The following PPP1R15A variants were observed in gnomAD, a reference collection of about 807,000 sequenced individuals.
The protein encoded by PPP1R15A is growth arrest and DNA damage-inducible protein GADD34.
PPP1R15A carries 43 observed loss-of-function variants against 48.5 expected under a neutral mutation model. The ratio of observed to expected loss-of-function variants is 0.89; its 90% CI spans 0.69 to 1.14. The LOEUF (loss-of-function observed/expected upper bound fraction) is 1.14, where lower values mean the gene tolerates loss of function less well. Ranked by LOEUF, PPP1R15A falls within the 50% of genes most tolerant of loss-of-function variation. The pLI is 0.00. For synonymous variants in PPP1R15A, 327 were observed against 327.4 expected, an observed-to-expected ratio of 1.00 and a Z score of 0.01; for missense variants, 868 against 847.2, an observed-to-expected ratio of 1.02 and a Z score of -0.30.
At chr19:48,873,055 G>C (rs57362374) in intron 1 of PPP1R15A, among the ~76,000 whole-genome samples, 170 bp from the exon 2 acceptor site, 1,816 of 152,276 alleles carry the variant, frequency 0.012, 29 homozygotes, top group African/African-American at 0.041. Context: ...GATAAGAACA[G>C]AGCCAAGGGA....
At position 48,874,098 on chromosome 19, in the gene PPP1R15A, C is replaced by CA. The variant is rs2037046347; in HGVS notation, c.867dup (p.Ser290IlefsTer19). ...GAAAGGAGAAGCTGCCCCAGGGCCG[C>CA]AATCCTCAGCCCCAGCCCAGAGGCC... is the stretch of plus-strand genomic sequence containing the variant. On this transcript the variant is annotated frameshift_variant, in exon 2 of 3. Coordinates refer to ENST00000200453, the MANE Select transcript of PPP1R15A (RefSeq NM_014330.5). LOFTEE classifies it high-confidence loss of function. 2 of 1,614,058 alleles carry CA rather than the reference C, an allele frequency of 1.2e-6. No homozygotes were observed. The highest frequency in any genetic ancestry group is 1.7e-6 in the Non-Finnish European group (2 of 1,180,020).
At position 48,873,826 on chromosome 19, in the gene PPP1R15A, C is replaced by T. The variant is rs2037041083; in HGVS notation, c.593C>T (p.Ala198Val). 1 of 1,613,920 alleles carries T rather than the reference C, an allele frequency of 6.2e-7. No homozygotes were observed. Among genetic ancestry groups the T allele is most frequent in the African/African-American group, 1.3e-5 (1 of 74,878 alleles). ...PAVEEEDDEE[A>V]VKKEAHRTST... The stretch of plus-strand genomic sequence containing the variant: ...GTGGAGGAGGAGGACGATGAAGAAG[C>T]TGTAAAGAAAGAAGCTCACAGAACC... The change falls in exon 2 of 3, where the codon GCT (alanine) becomes GTT (valine). Residue 198 changes from alanine to valine, a missense_variant. Physicochemically the swap from Ala to Val is moderately conservative, Grantham distance 64. Transcript: ENST00000200453.
At chr19:48,873,169 CG>C in intron 1 of PPP1R15A, 55 bp from the exon 2 acceptor site, 1 of 1,423,894 alleles carries the variant, frequency 7.0e-7, no homozygotes, top group Non-Finnish European at 9.2e-7. Context: ...TAGTCACGCC[CG>C]GATGCCATCC....
Position 48,874,773 on chromosome 19 carries a change from C to G in PPP1R15A, c.1540C>G (p.Pro514Ala). The change falls in exon 2 of 3, where the codon CCT (proline) becomes GCT (alanine). Residue 514 changes from proline (P) to alanine (A), a missense_variant. Pro to Ala is a conservative substitution (Grantham distance 27). Transcript: ENST00000200453. The stretch of plus-strand genomic sequence containing the variant: ...CCCCTTCCGAGTGGCCATCTATGTA[C>G]CTGGAGAGAAGCCACCGCCTCCCTG... ...PCPFRVAIYV[P>A]GEKPPPPWAP... 1 of 1,614,054 alleles carries G rather than the reference C, an allele frequency of 6.2e-7. No individual in the cohort carries two copies. The highest frequency in any genetic ancestry group is 2.2e-5 in the East Asian group (1 of 44,886).
chr19:48,875,541 C>T (rs1482232380), intron 2 of PPP1R15A, 73 bp from the exon 3 acceptor site: 11 of 1,496,608 alleles, frequency 7.3e-6, no homozygotes, highest in East Asian at 4.6e-5. Context: ...CTCTCTCTCT[C>T]TTCCCCGCCC....
chr19:48,875,033 T>G (rs1599955460), intron 2 of PPP1R15A, 135 bp downstream of exon 2: 1 of 1,101,874 alleles, frequency 9.1e-7, no homozygotes, highest in Non-Finnish European at 1.2e-6. Flanking sequence ...TTCAGGCGAT[T>G]CTCGTGCCTC....
rs752211715 is a variant in PPP1R15A at position 48,873,755 on chromosome 19, TA to T, written c.524del (p.Asn175ThrfsTer25). 1.9e-6 allele frequency: 3 copies of T among 1,613,872 alleles called. No homozygotes were observed. Among genetic ancestry groups the T allele is most frequent in the Non-Finnish European group, 2.5e-6 (3 of 1,179,934 alleles). On this transcript the variant is annotated frameshift_variant, in exon 2 of 3. Transcript: ENST00000200453. LOFTEE classifies it high-confidence loss of function. Reference sequence around the variant, plus strand: ...AGGGAGTTGCTGAAGAGGAGGGAGTTAACAAGTTCTCTTATCCACCATCACA... The same window carrying T: ...AGGGAGTTGCTGAAGAGGAGGGAGTTACAAGTTCTCTTATCCACCATCACA... ...EEGVAEEEGVNKFSYPPSHRE... is the reference protein window; with the variant it reads ...EEGVAEEEGVXKFSYPPSHRE...
intron 2 of PPP1R15A, 136 bp downstream of exon 2, chr19:48,875,034 C>G (rs1219119495): frequency 1.8e-6 from 2 of 1,102,966 alleles, no homozygotes; most frequent in East Asian, 2.7e-5. Flanking sequence ...TCAGGCGATT[C>G]TCGTGCCTCA....
chr19:48,875,016 G>T, intron 2 of PPP1R15A, 118 bp downstream of exon 2: 1 of 1,248,966 alleles, frequency 8.0e-7, no homozygotes, highest in Non-Finnish European at 1.1e-6. Context: ...AACCTCTGCC[G>T]CCCAAGTTCA....
In PPP1R15A at chr19:48,874,128, C is replaced by T; in HGVS notation, c.895C>T (p.Leu299Phe). ...QSSAPAQRPQ[L>F]KSWWCQPSDE... The stretch of plus-strand genomic sequence containing the variant: ...CTCAGCCCCAGCCCAGAGGCCCCAG[C>T]TCAAGTCCTGGTGGTGCCAACCCAG... Residue 299 changes from leucine to phenylalanine, a missense_variant, in exon 2 of 3, where the codon CTC becomes TTC. Coordinates refer to ENST00000200453, the MANE Select transcript of PPP1R15A (RefSeq NM_014330.5). 1 of 1,614,136 alleles carries T rather than the reference C, an allele frequency of 6.2e-7. No individual in the cohort carries two copies. Among genetic ancestry groups the T allele is most frequent in the Non-Finnish European group, 8.5e-7 (1 of 1,180,008 alleles).
At position 48,876,011 on chromosome 19, in the gene PPP1R15A, T is replaced by C; in HGVS notation, c.*38T>C. Reference sequence around the variant, plus strand: ...TGCCTATAATTTATTAACTATTTATTTTTTCTAAGTGTGGGTTTATATAAG... The same window carrying C: ...TGCCTATAATTTATTAACTATTTATCTTTTCTAAGTGTGGGTTTATATAAG... On this transcript the variant is annotated 3_prime_UTR_variant, in exon 3 of 3. Transcript: ENST00000200453. The C allele has an allele frequency of 6.6e-7, 1 of 1,508,534 alleles. No homozygotes were observed. Among genetic ancestry groups the C allele is most frequent in the Non-Finnish European group, 8.9e-7 (1 of 1,129,266 alleles). The allele number at this position is 1,508,534 out of a possible 1,614,324, so 93.4% of individuals were successfully genotyped here.
intron 2 of PPP1R15A, 61 bp downstream of exon 2, chr19:48,874,959 G>A (rs1443002982): frequency 5.6e-6 from 8 of 1,437,940 alleles, no homozygotes; most frequent in Non-Finnish European, 7.3e-6. Context: ...GGAGTCTTGG[G>A]CTGTCACCCA....
At position 48,875,695 on chromosome 19, in the gene PPP1R15A, G is replaced by T; in HGVS notation, c.1747G>T (p.Glu583Ter). The T allele has an allele frequency of 6.2e-7, 1 of 1,612,464 alleles. No individual in the cohort carries two copies. Among genetic ancestry groups the T allele is most frequent in the Non-Finnish European group, 8.5e-7 (1 of 1,179,522 alleles). The change falls in exon 3 of 3, where the codon GAG becomes TAG. Residue 583 changes from glutamate (E) to a stop codon, truncating the protein, a stop_gained. Transcript: ENST00000200453. LOFTEE classifies it low-confidence loss of function (END_TRUNC). ...PAQAARQGPW[E>*]QLARDRSRFA... is the part of the protein sequence containing the mutation. ...CCAGGCCGCCCGCCAGGGCCCCTGG[G>T]AGCAGCTTGCTCGGGATCGCAGCCG...
intron 2 of PPP1R15A, 147 bp from the exon 3 acceptor site, chr19:48,875,467 G>T: frequency 9.2e-7 from 1 of 1,083,878 alleles, no homozygotes; most frequent in Non-Finnish European, 1.3e-6. Flanking sequence ...TCCCGTGACA[G>T]TGACAGGCAA....
rs757385027 is a variant in PPP1R15A at position 48,875,729 on chromosome 19, G to A, written c.1781G>A (p.Arg594His). ...QLARDRSRFA[R>H]RITQAQEELS... is the part of the protein sequence containing the mutation. ...GCTCGGGATCGCAGCCGCTTCGCAC[G>A]CCGCATCACCCAGGCCCAGGAGGAG... The change falls in exon 3 of 3, where the codon CGC becomes CAC. Residue 594 changes from arginine to histidine, a missense_variant. By Grantham distance (29) the Arg-to-His change is conservative. Coordinates refer to ENST00000200453, the MANE Select transcript of PPP1R15A (RefSeq NM_014330.5). The A allele has an allele frequency of 3.1e-6, 5 of 1,612,980 alleles. No individual in the cohort carries two copies. The highest frequency in any genetic ancestry group is 2.7e-5 in the African/African-American group (2 of 74,878).
At position 48,873,928 on chromosome 19, in the gene PPP1R15A, C is replaced by G. The variant is rs758099641; in HGVS notation, c.695C>G (p.Thr232Arg). 1 of 1,613,828 alleles carries G rather than the reference C, an allele frequency of 6.2e-7. No individual in the cohort carries two copies. The highest frequency in any genetic ancestry group is 8.5e-7 in the Non-Finnish European group (1 of 1,180,024). Residue 232 changes from threonine (T) to arginine (R), a missense_variant, in exon 2 of 3, where the codon ACG (threonine) becomes AGG (arginine). Coordinates refer to ENST00000200453, the MANE Select transcript of PPP1R15A (RefSeq NM_014330.5). ...CCAGGGGAGGAAGAGAATCAAGCCA[C>G]GGAGGATAAAAGAACAGAAAGAAGT... ...SCPGEEENQA[T>R]EDKRTERSKG...
Position 48,874,052 on chromosome 19 carries a change from A to G in PPP1R15A, c.819A>G (p.Glu273=), listed in dbSNP as rs2037045594. 2 of 1,614,070 alleles carry G rather than the reference A, an allele frequency of 1.2e-6. No individual in the cohort carries two copies. Among genetic ancestry groups the G allele is most frequent in the Admixed American group, 1.7e-5 (1 of 60,010 alleles). Residue 273 remains glutamate (E), a synonymous_variant, in exon 2 of 3, where the codon GAA becomes GAG. Coordinates refer to ENST00000200453, the MANE Select transcript of PPP1R15A (RefSeq NM_014330.5). ...GAGAGGCGTCCGAGGAGAAGGAGGAAAAGGCACACAAAGAAACTGGGAAAG... is the reference window on the plus strand; with the variant it reads ...GAGAGGCGTCCGAGGAGAAGGAGGAGAAGGCACACAAAGAAACTGGGAAAG... ...RSGEASEEKE[E]KAHKETGKGE...
In PPP1R15A at chr19:48,874,872, C is replaced by A. The variant is rs1245981438; in HGVS notation, c.1639C>A (p.Pro547Thr). 2 of 1,589,318 alleles carry A rather than the reference C, an allele frequency of 1.3e-6. No homozygotes were observed. Among genetic ancestry groups the A allele is most frequent in the Non-Finnish European group, 1.7e-6 (2 of 1,171,442 alleles). Residue 547 changes from proline to threonine, a missense_variant, in exon 2 of 3, where the codon CCT becomes ACT. Pro to Thr is a conservative substitution (Grantham distance 38). Coordinates refer to ENST00000200453, the MANE Select transcript of PPP1R15A (RefSeq NM_014330.5). ...AGAAACCCCTACTCATGATCCGGAC[C>A]CTGAGACTCCCCTAAAGGCCAGAAA... is the stretch of plus-strand genomic sequence containing the variant. ...RPETPTHDPDPETPLKARKVR... is the reference protein window; with the variant it reads ...RPETPTHDPDTETPLKARKVR...
At position 48,873,491 on chromosome 19, in the gene PPP1R15A, T is replaced by C. The variant is rs776947560; in HGVS notation, c.258T>C (p.Ser86=). 3.1e-6 allele frequency: 5 copies of C among 1,614,070 alleles called. No individual in the cohort carries two copies. The highest frequency in any genetic ancestry group is 2.2e-5 in the East Asian group (1 of 44,880). Residue 86 remains serine, a synonymous_variant, in exon 2 of 3, where the codon AGT becomes AGC. Transcript: ENST00000200453. ...GCCCTGAAGAGGAGGCTGAAGACAG[T>C]GGAGGCCCTGGAGAGGACAGAGAAA... ...GRRPEEEAED[S]GGPGEDRETL...
Sources: allele counts gnomAD v4.1 joint callset (sites outside exome capture counted in the v4.1 genomes callset), GRCh38; gene constraint gnomAD v4.1.1; transcripts MANE v1.5; gene names NCBI Gene and HGNC (gene_info 2026-07-23, HGNC 2026-07-21).